Variants in GABRB1 observed in about 807,000 individuals in gnomAD.
GABRB1 encodes the protein gamma-aminobutyric acid receptor subunit beta-1.
A neutral mutation model predicts 51.6 loss-of-function variants in GABRB1; 17 were observed. The ratio of observed to expected loss-of-function variants is 0.33; its 90% confidence interval spans 0.23 to 0.49. GABRB1 has a LOEUF of 0.49. GABRB1 is among the 20% of genes least tolerant of loss of function. GABRB1 has a pLI of 0.99. For missense variants in GABRB1, 410 were observed against 600.6 expected, an observed-to-expected ratio of 0.68 and a Z score of 3.32; for synonymous variants, 247 against 218.9, an observed-to-expected ratio of 1.13 and a Z score of -1.14.
intron 3 of GABRB1, among the ~76,000 whole-genome samples, chr4:47,102,793 G>T (rs1267787846): frequency 6.6e-6 from 1 of 151,986 alleles, no homozygotes; most frequent in African/African-American, 2.4e-5. Context: ...ATTGGTACTT[G>T]AGCTACATTC....
chr4:47,245,854 GCATAGAAA>G (rs747527721), intron 4 of GABRB1, among the ~76,000 whole-genome samples: 2 of 146,500 alleles, frequency 1.4e-5, no homozygotes, highest in Non-Finnish European at 3.0e-5. Flanking sequence ...ATAAAAAGCT[GCATAGAAA>G]CATTGTAGAG....
chr4:47,320,416 C>T (rs1219162192), intron 5 of GABRB1, among the ~76,000 whole-genome samples: 1 of 152,162 alleles, frequency 6.6e-6, no homozygotes, highest in Non-Finnish European at 1.5e-5. Flanking sequence ...TTTAGCTCAA[C>T]AATTTATAAA....
intron 5 of GABRB1, among the ~76,000 whole-genome samples, chr4:47,371,838 G>T (rs575050888): frequency 6.6e-6 from 1 of 151,552 alleles, no homozygotes; most frequent in Admixed American, 6.6e-5. Flanking sequence ...CTGGATATTA[G>T]ACCTTTGTCA....
At chr4:47,408,839 T>C (rs1728662019) in intron 8 of GABRB1, among the ~76,000 whole-genome samples, 1 of 152,162 alleles carries the variant, frequency 6.6e-6, no homozygotes, top group Non-Finnish European at 1.5e-5. Flanking sequence ...TGTTTGTTAA[T>C]TGATAAGTCA....
At chr4:47,294,958 G>A (rs1289396276) in intron 4 of GABRB1, among the ~76,000 whole-genome samples, 11 of 152,174 alleles carry the variant, frequency 7.2e-5, no homozygotes, top group Admixed American at 5.2e-4. Flanking sequence ...ACGAAAATCC[G>A]CTGTTCTGCA....
chr4:47,247,387 T>A (rs891965750), intron 4 of GABRB1, among the ~76,000 whole-genome samples: 3 of 152,132 alleles, frequency 2.0e-5, no homozygotes, highest in African/African-American at 7.2e-5. Flanking sequence ...GTGTGCCTAT[T>A]TTTATACCAG....
At chr4:47,141,099 A>T in intron 3 of GABRB1, among the ~76,000 whole-genome samples, 1 of 151,862 alleles carries the variant, frequency 6.6e-6, no homozygotes, top group Non-Finnish European at 1.5e-5. Context: ...TTTAAAAAAA[A>T]ACAACTAATA....
chr4:47,406,678 A>G lies in GABRB1; in HGVS notation c.836-4A>G. The G allele has an allele frequency of 1.9e-6, 3 of 1,614,048 alleles. No individual in the cohort carries two copies. The highest frequency in any genetic ancestry group is 2.5e-6 in the Non-Finnish European group (3 of 1,179,920). On this transcript the variant is annotated splice_polypyrimidine_tract_variant and splice_region_variant and intron_variant, in intron 7 of 8. Coordinates refer to ENST00000295454, the MANE Select transcript of GABRB1 (RefSeq NM_000812.4). ...CAGCTAAGTGTTGTCTTTCTCTTTC[A>G]CAGGAATCACGACAGTGCTTACAAT...
Position 47,092,171 on chromosome 4 carries a change from T to C in GABRB1, c.240+59687T>C, listed in dbSNP as rs562999648. Among the ~76,000 whole-genome samples the C allele has an allele frequency of 8.4e-5, 11 of 130,968 alleles. No homozygotes were observed. In the East Asian group the frequency reaches 1.9e-3, roughly 22 times the overall value. 85.9% of individuals were successfully genotyped at this position (130,968 alleles called of 152,430 possible). A position where few individuals can be genotyped will look rare whatever the true frequency, so the allele number is the denominator to read the frequency against. ...TTTCTTTCTTTCTTTCTTTCTTTTT[T>C]TTTTTTTTTTTTTTTTTTGAGACCG... On this transcript the variant is annotated intron_variant, in intron 3 of 8. Coordinates refer to ENST00000295454, the MANE Select transcript of GABRB1 (RefSeq NM_000812.4).
intron 4 of GABRB1, among the ~76,000 whole-genome samples, chr4:47,214,130 G>T (rs1720469102): frequency 2.6e-5 from 4 of 152,136 alleles, no homozygotes; most frequent in Admixed American, 2.0e-4. Flanking sequence ...AAGAATAATA[G>T]ATGGTTGTTC....
intron 4 of GABRB1, among the ~76,000 whole-genome samples, chr4:47,257,739 C>A (rs1349894511): frequency 6.6e-6 from 1 of 151,272 alleles, no homozygotes; most frequent in Non-Finnish European, 1.5e-5. Context: ...GGCCTCTTTA[C>A]CAGTTCACCC....
intron 3 of GABRB1, among the ~76,000 whole-genome samples, chr4:47,156,201 C>T (rs1717691269): frequency 6.6e-6 from 1 of 151,812 alleles, no homozygotes; most frequent in African/African-American, 2.4e-5. Flanking sequence ...CAAGGGTTCC[C>T]TTTTCTCCAC....
intron 6 of GABRB1, 51 bp from the exon 7 acceptor site, chr4:47,403,508 G>T (rs778442396): frequency 8.1e-6 from 13 of 1,613,182 alleles, no homozygotes; most frequent in Admixed American, 6.7e-5. Context: ...GGAAGAAGAT[G>T]GTTCCAACCA....
intron 3 of GABRB1, among the ~76,000 whole-genome samples, chr4:47,143,833 T>C (rs1053711101): frequency 2.0e-5 from 3 of 151,894 alleles, no homozygotes; most frequent in African/African-American, 7.2e-5. Flanking sequence ...TAACCCACCA[T>C]GATTGCTCCT....
intron 4 of GABRB1, among the ~76,000 whole-genome samples, chr4:47,229,160 G>A (rs952902326): frequency 2.0e-5 from 3 of 152,092 alleles, no homozygotes; most frequent in Non-Finnish European, 2.9e-5. Context: ...GCTTTTTGGA[G>A]ACTTAAGTGA....
At chr4:47,010,523 A>T (rs1242424647) in intron 1 of GABRB1, among the ~76,000 whole-genome samples, 1 of 152,244 alleles carries the variant, frequency 6.6e-6, no homozygotes, top group African/African-American at 2.4e-5. Flanking sequence ...TAATGAAGGA[A>T]ATATTGTAAG....
At chr4:47,279,554 A>T (rs1723200742) in intron 4 of GABRB1, among the ~76,000 whole-genome samples, 1 of 152,120 alleles carries the variant, frequency 6.6e-6, no homozygotes, top group Non-Finnish European at 1.5e-5. Context: ...CATTTCTTAC[A>T]TCTATTAATG....
At chr4:47,297,429 A>G (rs1724049899) in intron 4 of GABRB1, among the ~76,000 whole-genome samples, 2 of 151,788 alleles carry the variant, frequency 1.3e-5, no homozygotes, top group African/African-American at 4.8e-5. Context: ...AGGGGATATC[A>G]CCACCAATCC....
intron 3 of GABRB1, among the ~76,000 whole-genome samples, chr4:47,125,457 G>T (rs1006616070): frequency 6.6e-6 from 1 of 151,172 alleles, no homozygotes; most frequent in Non-Finnish European, 1.5e-5. Flanking sequence ...AGTAATAATG[G>T]GGCATATATT....
Sources: gnomAD v4.1 joint callset for allele counts (sites outside exome capture counted in the v4.1 genomes callset) on GRCh38, gnomAD v4.1.1 for gene constraint, MANE v1.5 for transcripts, NCBI Gene and HGNC (gene_info 2026-07-23, HGNC 2026-07-21) for gene names.